The following ARHGEF1 variants were observed in gnomAD, a reference collection of about 807,000 sequenced individuals.
The protein encoded by ARHGEF1 is 115 kDa guanine nucleotide exchange factor.
Under a neutral mutation model 119.7 loss-of-function variants are expected in ARHGEF1, and 40 were observed. The ratio of observed to expected loss-of-function variants is 0.33; its 90% CI spans 0.26 to 0.44. The LOEUF is 0.44. Ranked by LOEUF, ARHGEF1 falls within the 20% of genes least tolerant of loss-of-function variation. ARHGEF1 has a pLI of 1.00. For missense variants in ARHGEF1, 976 were observed against 1,268.3 expected (o/e 0.77, Z 3.50); for synonymous variants, 494 against 521.0 (o/e 0.95, Z 0.71).
rs547666671 is a variant in ARHGEF1, at chr19:41,923,166, G to A, written c.75G>A (p.Glu25=). The change falls in exon 1 of 3, where the codon GAG becomes GAA. Residue 25 remains glutamate (E), a synonymous_variant. Coordinates refer to the ARHGEF1 transcript ENST00000594417. ...CCCATTTCACAGATGTGGAAACTGA[G>A]GTTCTGACAGGAAAAGTAACTTGGC... 314 of 456,484 alleles carry A rather than the reference G, an allele frequency of 6.9e-4. 1 individual carries two copies. The highest frequency in any genetic ancestry group is 3.0e-3 in the South Asian group (196 of 64,570). The allele number at this position is 456,484 out of a possible 1,614,324, so 28.3% of individuals were successfully genotyped here. A position where few individuals can be genotyped will look rare whatever the true frequency, so the allele number is the denominator to read the frequency against.
At chr19:41,914,387 C>T (rs1306157457) in intron 18 of ARHGEF1, among the ~76,000 whole-genome samples, 7 of 151,628 alleles carry the variant, frequency 4.6e-5, no homozygotes, top group Non-Finnish European at 1.5e-5. Flanking sequence ...CCCCACCTCA[C>T]TGCCCTCTCC....
intron 18 of ARHGEF1, chr19:41,912,816 G>A: frequency 1.2e-6 from 1 of 815,378 alleles, no homozygotes; most frequent in Non-Finnish European, 1.6e-6. Flanking sequence ...AAGCCTGAGG[G>A]GTGGGGGAAG....
Position 41,907,421 on chromosome 19 carries a change from G to A in ARHGEF1, c.*334G>A, listed in dbSNP as rs2145876450. 5 of 1,530,172 alleles carry A rather than the reference G, an allele frequency of 3.3e-6. No individual in the cohort carries two copies. Among genetic ancestry groups the A allele is most frequent in the African/African-American group, 1.4e-5 (1 of 72,582 alleles). 94.8% of individuals were successfully genotyped at this position (1,530,172 alleles called of 1,614,324 possible). A position where few individuals can be genotyped will look rare whatever the true frequency, so the allele number is the denominator to read the frequency against. On this transcript the variant is annotated 3_prime_UTR_variant, in exon 29 of 29. Transcript: ENST00000354532. Reference sequence around the variant, plus strand: ...TCTGTTTTTATACCCTGAATTGGAGGTTTATTTTTTAATATATATTATCTA... The same window carrying A: ...TCTGTTTTTATACCCTGAATTGGAGATTTATTTTTTAATATATATTATCTA...
downstream of ARHGEF1, chr19:41,907,723 A>ATTTCTGTAGTAAACTCTCTGGAGGTGAC (rs2074724325): frequency 4.1e-6 from 1 of 246,236 alleles, no homozygotes; most frequent in Non-Finnish European, 7.7e-6. Context: ...CTGTTCTTTT[A>ATTTCTGTAGTAAACTCTCTGGAGGTGAC]TTTCTGTAGT....
chr19:41,888,651 A>G lies in ARHGEF1; in HGVS notation c.112-101A>G. On this transcript the variant is annotated intron_variant, in intron 3 of 28. Transcript: ENST00000354532. This position sits in a 1 kb window ranked among gnomAD's most constrained non-coding sequence, Gnocchi z 5.1. The stretch of plus-strand genomic sequence containing the variant: ...ACCACTCCCCACTTCCCAGGAGCTA[A>G]CCCTGGCTTGGATCCCTTGTGAAGT... The G allele has an allele frequency of 8.9e-7, 1 of 1,123,260 alleles. No homozygotes were observed. Among genetic ancestry groups the G allele is most frequent in the Non-Finnish European group, 1.3e-6 (1 of 761,712 alleles). The allele number at this position is 1,123,260 out of a possible 1,614,324, so 69.6% of individuals were successfully genotyped here.
rs562763710 is a variant in ARHGEF1 at position 41,902,209 on chromosome 19, G to A, written c.1415-65G>A. On this transcript the variant is annotated intron_variant, in intron 15 of 28. Coordinates refer to ENST00000354532, the MANE Select transcript of ARHGEF1 (RefSeq NM_004706.4). This position sits in a 1 kb window ranked among gnomAD's most constrained non-coding sequence, Gnocchi z 6.5. ...CCTGCAGCCCTACCCCCACCACACCGCAGCAGGCCCCGCACAGCATCTTCC... is the reference window on the plus strand; with the variant it reads ...CCTGCAGCCCTACCCCCACCACACCACAGCAGGCCCCGCACAGCATCTTCC... The A allele has an allele frequency of 2.7e-4, 433 of 1,596,090 alleles. 3 individuals carry two copies. The highest frequency in any genetic ancestry group is 1.5e-3 in the Middle Eastern group (9 of 5,992).
chr19:41,896,300 G>T, intron 12 of ARHGEF1, 77 bp from the exon 13 acceptor site: 1 of 697,594 alleles, frequency 1.4e-6, no homozygotes, highest in Non-Finnish European at 2.2e-6. Flanking sequence ...TTTAGCCCCC[G>T]CAATTCCAGG....
upstream of ARHGEF1, among the ~76,000 whole-genome samples, chr19:41,920,366 CAT>C (rs1335213147): frequency 7.0e-6 from 1 of 143,620 alleles, no homozygotes; most frequent in African/African-American, 2.6e-5. Flanking sequence ...GACGCACAGA[CAT>C]GACATGTTCA....
At chr19:41,915,775 C>T (rs781899060) in intron 18 of ARHGEF1, among the ~76,000 whole-genome samples, 2 of 152,176 alleles carry the variant, frequency 1.3e-5, no homozygotes, top group Non-Finnish European at 2.9e-5. Context: ...CCCCTGGCGC[C>T]CCCCTGGCCC....
At chr19:41,901,428 G>A (rs1335909120) in intron 14 of ARHGEF1, among the ~76,000 whole-genome samples, 1 of 152,078 alleles carries the variant, frequency 6.6e-6, no homozygotes, top group African/African-American at 2.4e-5. Flanking sequence ...GGGATTATAG[G>A]CATGAGCCAC....
At chr19:41,895,747 C>A (rs1173046086) in intron 12 of ARHGEF1, among the ~76,000 whole-genome samples, 2 of 152,262 alleles carry the variant, frequency 1.3e-5, no homozygotes, top group East Asian at 3.9e-4. Flanking sequence ...ACTACGTTTT[C>A]CATCAACCCT....
chr19:41,888,240 G>A lies in ARHGEF1; in HGVS notation c.73G>A (p.Gly25Arg), dbSNP rs1255572676. The change falls in exon 3 of 29, where the codon GGG (glycine) becomes AGG (arginine). Residue 25 changes from glycine (G) to arginine (R), a missense_variant. This residue lies in a region of ARHGEF1 where 519 missense variants were observed against 580.9 expected (regional missense o/e 0.89). Coordinates refer to ENST00000354532, the MANE Select transcript of ARHGEF1 (RefSeq NM_004706.4). The surrounding 1 kb of genome is among the most constrained non-coding windows in gnomAD (Gnocchi z 5.1). ...RPGLVPVSII[G>R]AEDEDFENEL... ...TGGCCTGGTTCCCGTCAGCATCATC[G>A]GGGCTGAGGATGAGGATTTTGAGAA... The A allele has an allele frequency of 1.9e-6, 3 of 1,613,990 alleles. No individual in the cohort carries two copies. The highest frequency in any genetic ancestry group is 2.5e-6 in the Non-Finnish European group (3 of 1,179,984).
intron 1 of ARHGEF1, chr19:41,884,560 C>T: frequency 6.3e-7 from 1 of 1,576,544 alleles, no homozygotes; most frequent in Non-Finnish European, 8.6e-7. Context: ...CATCCCTGGC[C>T]GTGCACACTG....
rs2074443405 is a variant in ARHGEF1 at position 41,894,440 on chromosome 19, C to T, written c.745-11C>T. On this transcript the variant is annotated splice_polypyrimidine_tract_variant and intron_variant, in intron 9 of 28. Transcript: ENST00000354532. The stretch of plus-strand genomic sequence containing the variant: ...ATGCTTAGCCTGGTCTTCCTCCCCG[C>T]CCTCTCACAGGTGATGGGGAACCGG... 1.3e-6 allele frequency: 2 copies of T among 1,545,582 alleles called. No individual in the cohort carries two copies. Among genetic ancestry groups the T allele is most frequent in the East Asian group, 2.3e-5 (1 of 44,312 alleles).
At chr19:41,920,101 T>TGATA (rs1555852316), upstream of ARHGEF1, among the ~76,000 whole-genome samples, 2 of 106,672 alleles carry the variant, frequency 1.9e-5, no homozygotes, top group Non-Finnish European at 3.6e-5. Flanking sequence ...CTCACAGACA[T>TGATA]ACACTCACAG....
chr19:41,912,711 AT>A, intron 18 of ARHGEF1: 1 of 398,694 alleles, frequency 2.5e-6, no homozygotes, highest in East Asian at 3.6e-5. Flanking sequence ...AAGGGGTTTG[AT>A]TTGGGGGACT....
chr19:41,891,951 G>C (rs2074384088), intron 4 of ARHGEF1, 74 bp from the exon 5 acceptor site: 3 of 1,294,210 alleles, frequency 2.3e-6, no homozygotes, highest in Middle Eastern at 4.4e-4. Context: ...AGGTGAGGAA[G>C]GCCCTTTTCA....
At chr19:41,907,051 C>T in intron 28 of ARHGEF1, 54 bp from the exon 29 acceptor site, 1 of 1,427,480 alleles carries the variant, frequency 7.0e-7, no homozygotes, top group African/African-American at 1.4e-5. Flanking sequence ...GTCTGTCTCT[C>T]CCTGTCTCTC....
At chr19:41,894,107 A>AG in intron 8 of ARHGEF1, 100 bp from the exon 9 acceptor site, 5 of 783,070 alleles carry the variant, frequency 6.4e-6, no homozygotes, top group Non-Finnish European at 9.1e-6. Flanking sequence ...CTCTGCCTCT[A>AG]GGGGGAGAGA....
Sources: gnomAD v4.1 joint callset for allele counts (sites outside exome capture counted in the v4.1 genomes callset) on GRCh38, gnomAD v4.1.1 for gene constraint, gnomAD v4.1.1 regional missense constraint, Gnocchi (gnomAD v3.1) non-coding constraint, MANE v1.5 for transcripts, NCBI Gene and HGNC (gene_info 2026-07-23, HGNC 2026-07-21) for gene names.